TMEM207: variants seen among roughly 807,000 people sequenced by gnomAD.
The protein encoded by TMEM207 is SRSR846.
Under a neutral mutation model 17.4 loss-of-function variants are expected in TMEM207, and 15 were observed. The ratio of observed to expected loss-of-function variants is 0.86; its 90% CI spans 0.58 to 1.33. The LOEUF (loss-of-function observed/expected upper bound fraction) is 1.33, where lower values mean the gene tolerates loss of function less well. TMEM207 is among the 40% of genes most tolerant of loss of function. The probability of loss-of-function intolerance (pLI) is 0.00; values close to 1 mark genes in which losing one functional copy is unlikely to be tolerated. For synonymous variants in TMEM207, 70 were observed against 65.6 expected, an observed-to-expected ratio of 1.07 and a Z score of -0.33; for missense variants, 205 against 173.8, an observed-to-expected ratio of 1.18 and a Z score of -1.01.
chr3:190,441,047 CG>C (rs1473125897), intron 3 of TMEM207, among the ~76,000 whole-genome samples: 2 of 151,234 alleles, frequency 1.3e-5, no homozygotes, highest in African/African-American at 4.9e-5. Context: ...GCAGCCTGGG[CG>C]ACAGAGCAAA....
chr3:190,443,301 C>A (rs1020107067), intron 2 of TMEM207, among the ~76,000 whole-genome samples: 3 of 151,900 alleles, frequency 2.0e-5, no homozygotes, highest in Admixed American at 1.3e-4. Flanking sequence ...AAACTCAATT[C>A]TAAATATTAA....
At chr3:190,431,603 C>T (rs1419482184) in intron 4 of TMEM207, among the ~76,000 whole-genome samples, 1 of 151,986 alleles carries the variant, frequency 6.6e-6, no homozygotes, top group Non-Finnish European at 1.5e-5. Flanking sequence ...TACAGTTACC[C>T]TAGGAATTTC....
chr3:190,442,587 G>A (rs1219181915), intron 2 of TMEM207, among the ~76,000 whole-genome samples: 2 of 151,974 alleles, frequency 1.3e-5, no homozygotes, highest in African/African-American at 4.8e-5. Flanking sequence ...ATAAATCTCT[G>A]CGTCTTTTTC....
In TMEM207 at chr3:190,440,251, A is replaced by G. The variant is rs143710571; in HGVS notation, c.297T>C (p.Ser99=). The G allele has an allele frequency of 5.0e-6, 8 of 1,613,622 alleles. No individual in the cohort carries two copies. In the East Asian group the frequency reaches 1.8e-4, roughly 36 times the overall value. Residue 99 remains serine (S), a synonymous_variant, in exon 4 of 5, where the codon TCT becomes TCC. Transcript: ENST00000354905. ...MAVFAVGDLD[S]IYGTEAAVSP... is the part of the protein sequence containing the mutation. ...AGCGTGCAGACAACTCACCATAAATAGAGTCCAAGTCTCCAACAGCAAAAA... is the reference window on the plus strand; with the variant it reads ...AGCGTGCAGACAACTCACCATAAATGGAGTCCAAGTCTCCAACAGCAAAAA...
chr3:190,434,241 C>G lies in TMEM207; in HGVS notation c.305-4510G>C, dbSNP rs552983569. On this transcript the variant is annotated intron_variant, in intron 4 of 4. Transcript: ENST00000354905. ...CTGAGTGATATGCTTTGACTGTGTC[C>G]CCACCCAAATCTCATCTTGACCTGT... 2.0e-5 allele frequency among the ~76,000 whole-genome samples: 3 copies of G among 152,116 alleles called. No individual in the cohort carries two copies. The East Asian group carries it at 5.8e-4, about 29-fold the overall frequency.
chr3:190,449,616 G>T (rs1350636619), intron 1 of TMEM207, 119 bp downstream of exon 1: 11 of 877,676 alleles, frequency 1.3e-5, no homozygotes, highest in Non-Finnish European at 2.0e-5. Context: ...AAAGCTTGAA[G>T]GAAATCTTTT....
At chr3:190,439,576 GTTGTTTTT>G (rs1465063935) in intron 4 of TMEM207, among the ~76,000 whole-genome samples, 1 of 152,158 alleles carries the variant, frequency 6.6e-6, no homozygotes, top group Non-Finnish European at 1.5e-5. Context: ...AAATCAGTAA[GTTGTTTTT>G]TTCTACTCAC....
intron 2 of TMEM207, chr3:190,444,438 T>C (rs1485591233): frequency 1.0e-6 from 1 of 984,906 alleles, no homozygotes; most frequent in Non-Finnish European, 1.2e-6. Context: ...CATAGTACCA[T>C]GTGGAGTATT....
intron 1 of TMEM207, among the ~76,000 whole-genome samples, chr3:190,449,107 C>T (rs1720108472): frequency 6.6e-6 from 1 of 152,128 alleles, no homozygotes; most frequent in Non-Finnish European, 1.5e-5. Context: ...GTGTGTTGTA[C>T]CCTAGCAATA....
intron 2 of TMEM207, among the ~76,000 whole-genome samples, chr3:190,445,476 A>G (rs1720024802): frequency 6.6e-6 from 1 of 152,264 alleles, no homozygotes; most frequent in Non-Finnish European, 1.5e-5. Flanking sequence ...GGATCAGAAA[A>G]ACGTACCCTG....
chr3:190,445,135 C>T (rs1180671574), intron 2 of TMEM207, among the ~76,000 whole-genome samples: 3 of 152,180 alleles, frequency 2.0e-5, no homozygotes, highest in Admixed American at 6.5e-5. Context: ...AACTTGCTTT[C>T]CTACTCTTGA....
intron 4 of TMEM207, among the ~76,000 whole-genome samples, chr3:190,434,785 G>C (rs951689501): frequency 6.6e-6 from 1 of 152,326 alleles, no homozygotes; most frequent in African/African-American, 2.4e-5. Context: ...CGCTCTCTGG[G>C]TTGTAGCAGA....
chr3:190,429,723 C>T lies in TMEM207; in HGVS notation c.313G>A (p.Ala105Thr). The T allele has an allele frequency of 1.2e-6, 2 of 1,604,338 alleles. No homozygotes were observed. Among genetic ancestry groups the T allele is most frequent in the Non-Finnish European group, 1.7e-6 (2 of 1,175,898 alleles). ...ATTCCAACAGTTGGACTCACAGCTG[C>T]TTCTGTCCCTGGAAAGAGAAAGATG... Reference protein sequence around the residue: ...GDLDSIYGTEAAVSPTVGIHL... With the variant: ...GDLDSIYGTETAVSPTVGIHL... The change falls in exon 5 of 5, where the codon GCA becomes ACA. Residue 105 changes from alanine to threonine, a missense_variant. Physicochemically the swap from Ala to Thr is moderately conservative, Grantham distance 58. Coordinates refer to ENST00000354905, the MANE Select transcript of TMEM207 (RefSeq NM_207316.3).
chr3:190,439,770 C>T (rs888640991), intron 4 of TMEM207, among the ~76,000 whole-genome samples: 2 of 152,122 alleles, frequency 1.3e-5, no homozygotes, highest in African/African-American at 4.8e-5. Flanking sequence ...CCTGACTATT[C>T]CATGGAATTT....
At chr3:190,446,796 A>T (rs925473878) in intron 2 of TMEM207, among the ~76,000 whole-genome samples, 4 of 152,188 alleles carry the variant, frequency 2.6e-5, no homozygotes. Context: ...GAACTTCTTT[A>T]TTTTGTTAGT....
chr3:190,445,980 A>C (rs900599115), intron 2 of TMEM207, among the ~76,000 whole-genome samples: 1 of 152,112 alleles, frequency 6.6e-6, no homozygotes, highest in African/African-American at 2.4e-5. Flanking sequence ...TCCATGTTTC[A>C]TGTTTTTACT....
chr3:190,447,047 T>A (rs1434570240), intron 2 of TMEM207, among the ~76,000 whole-genome samples: 1 of 152,112 alleles, frequency 6.6e-6, no homozygotes, highest in South Asian at 2.1e-4. Flanking sequence ...AGCAGGTGAA[T>A]GGTCCCAATT....
intron 4 of TMEM207, among the ~76,000 whole-genome samples, chr3:190,439,176 C>CAAAAAAAA (rs772313119): frequency 5.1e-5 from 3 of 58,652 alleles, no homozygotes; most frequent in East Asian, 5.8e-4. Flanking sequence ...GACTCCGTCT[C>CAAAAAAAA]AAAAAAAAAA....
Position 190,449,888 on chromosome 3 carries a change from C to T in TMEM207, c.-79G>A. ...TCTTTCTCAGAACTTACTAGCTTCTCTATAAGTTATGCTTCCTACCAGGAC... is the reference window on the plus strand; with the variant it reads ...TCTTTCTCAGAACTTACTAGCTTCTTTATAAGTTATGCTTCCTACCAGGAC... On this transcript the variant is annotated 5_prime_UTR_variant, in exon 1 of 5. Transcript: ENST00000354905. 7.6e-7 allele frequency: 1 copy of T among 1,312,964 alleles called. No homozygotes were observed. The highest frequency in any genetic ancestry group is 1.1e-6 in the Non-Finnish European group (1 of 912,406). 81.3% of individuals were successfully genotyped at this position (1,312,964 alleles called of 1,614,324 possible).
Sources: allele counts gnomAD v4.1 joint callset (sites outside exome capture counted in the v4.1 genomes callset), GRCh38; gene constraint gnomAD v4.1.1; transcripts MANE v1.5; gene names NCBI Gene and HGNC (gene_info 2026-07-23, HGNC 2026-07-21).